Variants in TNS1 observed in about 807,000 individuals in gnomAD.
TNS1 encodes the protein tensin-1.
A neutral mutation model predicts 168.6 loss-of-function variants in TNS1; 62 were observed. The ratio of observed to expected loss-of-function variants is 0.37; its 90% CI spans 0.30 to 0.45. The LOEUF is 0.45. Ranked by LOEUF, TNS1 falls within the 20% of genes least tolerant of loss-of-function variation. TNS1 has a pLI of 1.00. For missense variants in TNS1, 2,240 were observed against 2,339.4 expected, an observed-to-expected ratio of 0.96 and a Z score of 0.88; for synonymous variants, 934 against 933.2, an observed-to-expected ratio of 1.00 and a Z score of -0.02.
At chr2:217,987,099 G>A (rs1958214714) in intron 2 of TNS1, 1 of 152,206 alleles carries the variant, frequency 6.6e-6, no homozygotes, top group African/African-American at 2.4e-5. Context: ...ATTTATCCAA[G>A]ATCACAGAGG....
chr2:217,893,568 C>T lies in TNS1; in HGVS notation c.595-7G>A. On this transcript the variant is annotated splice_polypyrimidine_tract_variant and splice_region_variant and intron_variant, in intron 9 of 32. Coordinates refer to ENST00000682258, the MANE Select transcript of TNS1 (RefSeq NM_001387777.1). ...GCCAGCCAAATTCCAGTACCTGTGG[C>T]CCAAGCCATGAGTGAGAAGAGGGCA... 1 of 1,605,592 alleles carries T rather than the reference C, an allele frequency of 6.2e-7. No homozygotes were observed.
chr2:217,927,439 G>A (rs1956090412), intron 3 of TNS1, among the ~76,000 whole-genome samples: 1 of 152,212 alleles, frequency 6.6e-6, no homozygotes, highest in South Asian at 2.1e-4. Context: ...TTGGCACTGG[G>A]GAGCCAGTAA....
At position 217,886,060 on chromosome 2, in the gene TNS1, A is replaced by G; in HGVS notation, c.1024T>C (p.Tyr342His). ...LRIYQAMQPV[Y>H]TSGIYNIPGD... ...AATACTTACTAGATGCCAGATGTGT[A>G]CACAGGTTGCATGGCCTGGTAGATG... Residue 342 changes from tyrosine (Y) to histidine (H), a missense_variant, in exon 14 of 33, where the codon TAC becomes CAC. By Grantham distance (83) the Tyr-to-His change is moderately conservative. Coordinates refer to ENST00000682258, the MANE Select transcript of TNS1 (RefSeq NM_001387777.1). 5 of 1,614,072 alleles carry G rather than the reference A, an allele frequency of 3.1e-6. No homozygotes were observed. Among genetic ancestry groups the G allele is most frequent in the Non-Finnish European group, 4.2e-6 (5 of 1,180,006 alleles).
Position 217,813,034 on chromosome 2 carries a change from CAG to C in TNS1, c.4954+179_4954+180del, listed in dbSNP as rs2125116740. Among the ~76,000 whole-genome samples the C allele has an allele frequency of 6.6e-6, 1 of 152,326 alleles. No homozygotes were observed. Among genetic ancestry groups the C allele is most frequent in the East Asian group, 1.9e-4 (1 of 5,190 alleles). On this transcript the variant is annotated intron_variant, in intron 27 of 32. Transcript: ENST00000682258. The surrounding 1 kb of genome is among the most constrained non-coding windows in gnomAD (Gnocchi z 4.0). ...CGGACAAACACAGACTGCAGTTTGG[CAG>C]AGTTAGGAGCCGCACTGCGGAGGGA...
chr2:217,987,241 A>C (rs1958219175), intron 2 of TNS1, among the ~76,000 whole-genome samples: 1 of 152,122 alleles, frequency 6.6e-6, no homozygotes, highest in South Asian at 2.1e-4. Context: ...GACCCATCTT[A>C]CAGGCACACA....
At chr2:217,830,562 G>A (rs1293442914) in intron 22 of TNS1, among the ~76,000 whole-genome samples, 1 of 152,302 alleles carries the variant, frequency 6.6e-6, no homozygotes, top group South Asian at 2.1e-4. Context: ...GAGGAGGTAG[G>A]AGGTGTGAAC....
intron 1 of TNS1, among the ~76,000 whole-genome samples, chr2:217,991,739 C>T (rs1486327668): frequency 6.6e-6 from 1 of 152,156 alleles, no homozygotes. Context: ...TAACCCATGG[C>T]CCCACAGTGC....
At chr2:217,840,210 G>C (rs557015591) in intron 19 of TNS1, among the ~76,000 whole-genome samples, 10 of 152,324 alleles carry the variant, frequency 6.6e-5, no homozygotes, top group Middle Eastern at 3.4e-3. Context: ...GGGGCATGGT[G>C]TAGGGCAGGC....
intron 25 of TNS1, 22 bp downstream of exon 25, chr2:217,814,890 C>T (rs766034093): frequency 1.9e-4 from 299 of 1,595,458 alleles, no homozygotes; most frequent in Non-Finnish European, 2.5e-4. Context: ...GCCTCTGATG[C>T]ACCACAGAGC....
chr2:217,893,858 T>C (rs895821175), intron 9 of TNS1, among the ~76,000 whole-genome samples: 1 of 152,080 alleles, frequency 6.6e-6, no homozygotes, highest in Non-Finnish European at 1.5e-5. Flanking sequence ...ATATGTGTGT[T>C]AAAAAAACAA....
chr2:217,889,287 A>G (rs746710536), intron 12 of TNS1, among the ~76,000 whole-genome samples: 11 of 152,224 alleles, frequency 7.2e-5, no homozygotes, highest in Non-Finnish European at 1.3e-4. Flanking sequence ...TGGGCTTCCA[A>G]TTACAATGGC....
intron 1 of TNS1, among the ~76,000 whole-genome samples, chr2:217,996,856 A>G (rs777281889): frequency 1.1e-4 from 16 of 152,044 alleles, no homozygotes; most frequent in Non-Finnish European, 1.9e-4. Context: ...ATGTCTTCCC[A>G]GATGTCCAGA....
At chr2:217,929,277 C>T (rs1041623228) in intron 3 of TNS1, among the ~76,000 whole-genome samples, 8 of 152,166 alleles carry the variant, frequency 5.3e-5, no homozygotes, top group South Asian at 2.1e-4. Context: ...TCAAGGGTCC[C>T]GGCTCAGGGG....
chr2:217,953,213 T>G (rs772780085), intron 3 of TNS1, among the ~76,000 whole-genome samples: 2 of 152,112 alleles, frequency 1.3e-5, no homozygotes, highest in Non-Finnish European at 2.9e-5. Context: ...AGCAGCACAG[T>G]CCTGCCCTCC....
chr2:217,924,055 C>A (rs561381255), intron 3 of TNS1, among the ~76,000 whole-genome samples: 5 of 152,296 alleles, frequency 3.3e-5, no homozygotes, highest in African/African-American at 1.2e-4. Context: ...CAGGCTCTGC[C>A]CTCCTCTCCC....
intron 1 of TNS1, among the ~76,000 whole-genome samples, chr2:218,029,396 T>C (rs1958874386): frequency 6.6e-6 from 1 of 152,218 alleles, no homozygotes. Flanking sequence ...ATCATCAAAA[T>C]GGAGGGACAC....
intron 18 of TNS1, among the ~76,000 whole-genome samples, chr2:217,857,373 C>T (rs1380422916): frequency 6.6e-6 from 1 of 152,202 alleles, no homozygotes; most frequent in Non-Finnish European, 1.5e-5. Context: ...ACAAAACCAA[C>T]TCCTGGCTCC....
rs199538180 is a variant in TNS1, at chr2:217,848,655, C to T, written c.1862G>A (p.Arg621Gln). Reference sequence around the variant, plus strand: ...TTCATCGTCCAGGATGTCTGTCTCCCGCTCAGATGCTAACGCCCCACCATT... The same window carrying T: ...TTCATCGTCCAGGATGTCTGTCTCCTGCTCAGATGCTAACGCCCCACCATT... ...HVNGGALASE[R>Q]ETDILDDELP... Residue 621 changes from arginine (R) to glutamine (Q), a missense_variant, in exon 19 of 33, where the codon CGG becomes CAG. Coordinates refer to ENST00000682258, the MANE Select transcript of TNS1 (RefSeq NM_001387777.1). 2.5e-5 allele frequency: 40 copies of T among 1,614,212 alleles called. No individual in the cohort carries two copies. Among genetic ancestry groups the T allele is most frequent in the South Asian group, 1.5e-4 (14 of 91,088 alleles).
rs529852561 is a variant in TNS1 at position 217,839,246 on chromosome 2, G to A, written c.3008-3035C>T. Among the ~76,000 whole-genome samples, 4 of 152,196 alleles carry A rather than the reference G, an allele frequency of 2.6e-5. No individual in the cohort carries two copies. In the South Asian group the frequency reaches 8.3e-4, roughly 32 times the overall value. The stretch of plus-strand genomic sequence containing the variant: ...GCTCCCAGGAGGCTGAGAAGGCTGG[G>A]GTACCCTTATGACAACAAAGTATCT... On this transcript the variant is annotated intron_variant, in intron 19 of 32. Transcript: ENST00000682258.
Sources: allele counts gnomAD v4.1 joint callset (sites outside exome capture counted in the v4.1 genomes callset), GRCh38; gene constraint gnomAD v4.1.1; non-coding constraint Gnocchi (gnomAD v3.1); transcripts MANE v1.5; gene names NCBI Gene and HGNC (gene_info 2026-07-23, HGNC 2026-07-21).